Variants in FTO observed in about 807,000 individuals in gnomAD.
The protein encoded by FTO is alpha-ketoglutarate-dependent dioxygenase FTO.
Under a neutral mutation model 63.9 loss-of-function variants are expected in FTO, and 47 were observed. That is an observed-to-expected ratio of 0.74 (90% CI 0.58 to 0.94). FTO has a LOEUF of 0.94. Among genes scored for constraint, FTO ranks in the 40% least tolerant of loss-of-function variants. The pLI is 0.00. For missense variants in FTO, 562 were observed against 618.1 expected (o/e 0.91, Z 0.96); for synonymous variants, 207 against 224.4 (o/e 0.92, Z 0.69).
intron 8 of FTO, among the ~76,000 whole-genome samples, chr16:54,092,325 G>A (rs1261371351): frequency 6.6e-6 from 1 of 152,078 alleles, no homozygotes; most frequent in Non-Finnish European, 1.5e-5. Context: ...AAATTTGCAG[G>A]CAGGCCCATA....
chr16:53,954,171 G>A (rs2143556031), intron 8 of FTO, among the ~76,000 whole-genome samples: 1 of 152,232 alleles, frequency 6.6e-6, no homozygotes, highest in Admixed American at 6.5e-5. Flanking sequence ...AAAAAGACAA[G>A]GGGAAAAGGG....
chr16:53,839,775 T>TTTA (rs1444826215), intron 3 of FTO, among the ~76,000 whole-genome samples: 1,330 of 36,890 alleles, frequency 0.036, 18 homozygotes, highest in African/African-American at 0.086. Context: ...TTTTCTTTTT[T>TTTA]TTTATTTATT....
At chr16:54,085,832 T>G (rs2086244265) in intron 8 of FTO, among the ~76,000 whole-genome samples, 1 of 152,184 alleles carries the variant, frequency 6.6e-6, no homozygotes, top group Admixed American at 6.5e-5. Context: ...CTCTCTGGCT[T>G]CAGTCTCCAA....
intron 1 of FTO, among the ~76,000 whole-genome samples, chr16:53,755,951 T>C (rs1002162549): frequency 3.3e-5 from 5 of 152,218 alleles, no homozygotes; most frequent in African/African-American, 4.8e-5. Context: ...TTATTTTGGA[T>C]TTTTTGTCAC....
intron 8 of FTO, among the ~76,000 whole-genome samples, chr16:54,102,483 G>A (rs1185247986): frequency 6.6e-6 from 1 of 152,158 alleles, no homozygotes; most frequent in East Asian, 1.9e-4. Context: ...GGCTGAGAAA[G>A]GAGGATCACT....
chr16:53,883,644 A>AAAAAAAC, intron 6 of FTO, among the ~76,000 whole-genome samples: 4 of 150,692 alleles, frequency 2.7e-5, no homozygotes, highest in Admixed American at 6.6e-5. Context: ...AACAAAAAAA[A>AAAAAAAC]AAAAACAAAT....
At chr16:53,739,452 G>A (rs190432364) in intron 1 of FTO, among the ~76,000 whole-genome samples, 162 of 150,346 alleles carry the variant, frequency 1.1e-3, no homozygotes, top group African/African-American at 3.6e-3. Flanking sequence ...CTGACCTTGT[G>A]ATCCGCCCGC....
At chr16:53,941,103 G>T (rs1208739553) in intron 8 of FTO, among the ~76,000 whole-genome samples, 3 of 152,310 alleles carry the variant, frequency 2.0e-5, no homozygotes, top group Non-Finnish European at 4.4e-5. Flanking sequence ...TTCTCCACCG[G>T]TATCTGTCTC....
chr16:54,001,997 G>A (rs2084079611), intron 8 of FTO, among the ~76,000 whole-genome samples: 1 of 152,180 alleles, frequency 6.6e-6, no homozygotes, highest in African/African-American at 2.4e-5. Flanking sequence ...AAACACCCGA[G>A]GAAAGGTACA....
chr16:54,064,932 A>G (rs1314590535), intron 8 of FTO, among the ~76,000 whole-genome samples: 2 of 151,878 alleles, frequency 1.3e-5, no homozygotes, highest in African/African-American at 4.8e-5. Flanking sequence ...TGGTGAGGAA[A>G]TGTAAGTGAG....
chr16:53,873,586 G>A (rs8046502), intron 4 of FTO, among the ~76,000 whole-genome samples, 200 bp from the exon 5 acceptor site: 87,869 of 150,124 alleles, frequency 0.59, 27,214 homozygotes, highest in East Asian at 0.86. Flanking sequence ...AAGTAGATAC[G>A]CATATAATGG....
chr16:53,918,839 G>A (rs933990520), intron 7 of FTO, among the ~76,000 whole-genome samples: 10 of 152,126 alleles, frequency 6.6e-5, no homozygotes, highest in African/African-American at 2.4e-4. Flanking sequence ...TGTATAAACC[G>A]TGCTGGGCCT....
chr16:54,106,607 T>C (rs1268829189), intron 8 of FTO, among the ~76,000 whole-genome samples: 1 of 140,372 alleles, frequency 7.1e-6, no homozygotes, highest in African/African-American at 2.6e-5. Flanking sequence ...TTATATCATA[T>C]AATTATATAA....
intron 4 of FTO, among the ~76,000 whole-genome samples, chr16:53,847,699 C>T (rs1207823037): frequency 6.7e-6 from 1 of 149,388 alleles, no homozygotes; most frequent in Non-Finnish European, 1.5e-5. Context: ...ACCCGGGAGG[C>T]AGAGGTTGCA....
chr16:53,810,658 C>T (rs2078495809), intron 2 of FTO, among the ~76,000 whole-genome samples: 1 of 152,172 alleles, frequency 6.6e-6, no homozygotes, highest in Non-Finnish European at 1.5e-5. Context: ...ATTGCAATTA[C>T]AGAATTCCGT....
chr16:54,041,360 A>G (rs1437183816), intron 8 of FTO, among the ~76,000 whole-genome samples: 1 of 152,146 alleles, frequency 6.6e-6, no homozygotes, highest in Non-Finnish European at 1.5e-5. Flanking sequence ...AACCGCCTCC[A>G]TGATCCAATC....
intron 7 of FTO, among the ~76,000 whole-genome samples, chr16:53,921,422 C>T (rs1255413285): frequency 1.3e-5 from 2 of 152,166 alleles, no homozygotes; most frequent in Non-Finnish European, 2.9e-5. Context: ...GGCCAAACAT[C>T]ATCAGTGGCT....
chr16:54,059,585 A>G (rs1031652765), intron 8 of FTO, among the ~76,000 whole-genome samples: 2 of 152,202 alleles, frequency 1.3e-5, no homozygotes, highest in Non-Finnish European at 2.9e-5. Flanking sequence ...GCTCGGTTGT[A>G]GGCAGTGGTT....
chr16:53,728,112 A>G (rs2076192242), intron 1 of FTO, among the ~76,000 whole-genome samples: 1 of 151,918 alleles, frequency 6.6e-6, no homozygotes, highest in Non-Finnish European at 1.5e-5. Flanking sequence ...GGTGGTGTGC[A>G]CCTGTAGTCC....
Sources: allele counts gnomAD v4.1 joint callset (sites outside exome capture counted in the v4.1 genomes callset), GRCh38; gene constraint gnomAD v4.1.1; transcripts MANE v1.5; gene names NCBI Gene and HGNC (gene_info 2026-07-23, HGNC 2026-07-21).